Variants in RGL1 observed in about 807,000 individuals in gnomAD.
RGL1 encodes the protein ral guanine nucleotide dissociation stimulator-like 1.
RGL1 carries 24 observed loss-of-function variants against 95.2 expected under a neutral mutation model. The ratio of observed to expected loss-of-function variants is 0.25; its 90% CI spans 0.18 to 0.35. The LOEUF is 0.35. RGL1 is among the 10% of genes least tolerant of loss of function. The pLI is 1.00. For synonymous variants in RGL1, 329 were observed against 344.9 expected (o/e 0.95, Z 0.51); for missense variants, 715 against 936.3 (o/e 0.76, Z 3.08).
intron 2 of RGL1, among the ~76,000 whole-genome samples, chr1:183,786,235 C>G (rs1378699751): frequency 6.6e-6 from 1 of 152,156 alleles, no homozygotes; most frequent in Non-Finnish European, 1.5e-5. Context: ...GATCCCATCT[C>G]TAAAAAAATA....
Position 183,880,634 on chromosome 1 carries a change from A to G in RGL1, c.444A>G (p.Leu148=), listed in dbSNP as rs1666771139. ...MVIRNAIASI[L]RAWLDQCAED... The stretch of plus-strand genomic sequence containing the variant: ...TTCTCAGTGCAATCGCTTCCATACT[A>G]AGGGCCTGGCTTGACCAGTGTGCAG... Residue 148 remains leucine (L), a synonymous_variant, in exon 5 of 18, where the codon CTA becomes CTG. Transcript: ENST00000360851. 6.2e-7 allele frequency: 1 copy of G among 1,613,532 alleles called. No individual in the cohort carries two copies. Among genetic ancestry groups the G allele is most frequent in the African/African-American group, 1.3e-5 (1 of 74,860 alleles).
chr1:183,744,211 C>T (rs1437039406), intron 2 of RGL1, among the ~76,000 whole-genome samples: 1 of 152,140 alleles, frequency 6.6e-6, no homozygotes, highest in Non-Finnish European at 1.5e-5. Context: ...CACATTATGA[C>T]AATTCCAATC....
intron 1 of RGL1, chr1:183,647,564 G>A: frequency 7.0e-7 from 1 of 1,438,612 alleles, no homozygotes; most frequent in Non-Finnish European, 9.2e-7. Flanking sequence ...TTTGCTTTTA[G>A]TGCATCAGTT....
intron 2 of RGL1, among the ~76,000 whole-genome samples, chr1:183,746,599 T>C (rs1445977862): frequency 6.6e-6 from 1 of 150,896 alleles, no homozygotes; most frequent in East Asian, 2.0e-4. Context: ...TGAACAATGC[T>C]GATATGAACA....
At chr1:183,803,459 A>C (rs1420127300), upstream of RGL1, among the ~76,000 whole-genome samples, 1 of 152,208 alleles carries the variant, frequency 6.6e-6, no homozygotes, top group African/African-American at 2.4e-5. Context: ...AGCTGTATCC[A>C]CTTGGCTTGA....
chr1:183,774,413 A>G (rs1418199594), intron 2 of RGL1, among the ~76,000 whole-genome samples: 1 of 152,228 alleles, frequency 6.6e-6, no homozygotes, highest in Non-Finnish European at 1.5e-5. Flanking sequence ...AAATCTTGTC[A>G]CACCACAATC....
At chr1:183,810,508 A>G (rs1426418043) in intron 2 of RGL1, among the ~76,000 whole-genome samples, 2 of 152,202 alleles carry the variant, frequency 1.3e-5, no homozygotes, top group Non-Finnish European at 2.9e-5. Flanking sequence ...GTTGAAATGC[A>G]AGATAGATGG....
intron 2 of RGL1, among the ~76,000 whole-genome samples, chr1:183,844,339 G>A (rs966993038): frequency 2.6e-5 from 4 of 152,134 alleles, no homozygotes; most frequent in African/African-American, 9.7e-5. Context: ...TGGTAAATAT[G>A]AGTTAAGTTT....
chr1:183,764,822 C>A (rs2102314846), intron 2 of RGL1, among the ~76,000 whole-genome samples: 1 of 152,296 alleles, frequency 6.6e-6, no homozygotes, highest in East Asian at 1.9e-4. Context: ...CCACCAAAGA[C>A]AAATCATAGC....
At chr1:183,821,566 C>T (rs1331276210) in intron 2 of RGL1, among the ~76,000 whole-genome samples, 1 of 152,176 alleles carries the variant, frequency 6.6e-6, no homozygotes, top group African/African-American at 2.4e-5. Flanking sequence ...GTACCAGGAA[C>T]ACTTTATAGA....
chr1:183,857,379 T>C (rs1366009842), intron 3 of RGL1, among the ~76,000 whole-genome samples: 1 of 152,254 alleles, frequency 6.6e-6, no homozygotes, highest in Non-Finnish European at 1.5e-5. Context: ...TACAGAACTA[T>C]AAAATAGTAA....
intron 4 of RGL1, among the ~76,000 whole-genome samples, chr1:183,867,948 A>G (rs1448049982): frequency 6.6e-6 from 1 of 152,232 alleles, no homozygotes; most frequent in Non-Finnish European, 1.5e-5. Context: ...GTAGTTTTAC[A>G]GTTTTGTTCA....
chr1:183,732,034 T>C (rs1322599622), intron 1 of RGL1, among the ~76,000 whole-genome samples: 1 of 152,110 alleles, frequency 6.6e-6, no homozygotes, highest in African/African-American at 2.4e-5. Flanking sequence ...ACTTCTTCCT[T>C]CCTGTGACAG....
At chr1:183,902,276 C>G (rs1668072475) in intron 11 of RGL1, among the ~76,000 whole-genome samples, 1 of 152,166 alleles carries the variant, frequency 6.6e-6, no homozygotes, top group Non-Finnish European at 1.5e-5. Flanking sequence ...AAGCTTTTAT[C>G]TTTACTGGTT....
chr1:183,849,482 AGTT>A (rs1664676250), intron 3 of RGL1, among the ~76,000 whole-genome samples: 4 of 99,402 alleles, frequency 4.0e-5, no homozygotes, highest in African/African-American at 7.6e-5. Flanking sequence ...TCCAGTTTTT[AGTT>A]TTTTTTTTTT....
rs10911422 is a variant in RGL1 at position 183,723,598 on chromosome 1, G to A, written c.-32-18528G>A. Among the ~76,000 whole-genome samples the A allele has an allele frequency of 5.1e-3, 784 of 152,330 alleles. 11 individuals carry two copies. The highest frequency in any genetic ancestry group is 0.042 in the East Asian group (218 of 5,184). ...ACTGGGCAGAACTCAGCCAGTGCAC[G>A]TGGAGGAAGCATTTAGACCAGCCCT... On this transcript the variant is annotated intron_variant, in intron 1 of 18. Transcript: ENST00000304685.
intron 1 of RGL1, chr1:183,646,464 A>G (rs574993442): frequency 1.3e-5 from 2 of 152,240 alleles, no homozygotes; most frequent in East Asian, 1.9e-4. Context: ...GTTACGAGAA[A>G]ATGTACATTT....
chr1:183,914,597 A>C (rs1426354521), intron 15 of RGL1, among the ~76,000 whole-genome samples: 1 of 152,186 alleles, frequency 6.6e-6, no homozygotes, highest in Non-Finnish European at 1.5e-5. Context: ...CACAGGCTGC[A>C]CTGTGAGGTT....
intron 1 of RGL1, among the ~76,000 whole-genome samples, chr1:183,667,782 A>G (rs1230349315): frequency 6.6e-6 from 1 of 151,864 alleles, no homozygotes; most frequent in South Asian, 2.1e-4. Context: ...GTATGATTGT[A>G]TTTTTCTGTC....
Sources: gnomAD v4.1 joint callset for allele counts (sites outside exome capture counted in the v4.1 genomes callset) on GRCh38, gnomAD v4.1.1 for gene constraint, MANE v1.5 for transcripts, NCBI Gene and HGNC (gene_info 2026-07-23, HGNC 2026-07-21) for gene names.